The following PLEKHA5 variants were observed in gnomAD, a reference collection of about 807,000 sequenced individuals.
PLEKHA5 encodes the protein pleckstrin homology domain-containing family A member 5.
PLEKHA5 carries 55 observed loss-of-function variants against 181.9 expected under a neutral mutation model. The ratio of observed to expected loss-of-function variants is 0.30; its 90% CI spans 0.24 to 0.38. The LOEUF (loss-of-function observed/expected upper bound fraction) is 0.38. Among genes scored for constraint, PLEKHA5 ranks in the 10% least tolerant of loss-of-function variants. The probability of loss-of-function intolerance (pLI) is 1.00; values close to 1 mark genes in which losing one functional copy is unlikely to be tolerated. For synonymous variants in PLEKHA5, 535 were observed against 529.4 expected, an observed-to-expected ratio of 1.01 and a Z score of -0.15; for missense variants, 1,432 against 1,549.5, an observed-to-expected ratio of 0.92 and a Z score of 1.27.
intron 18 of PLEKHA5, 26 bp downstream of exon 18, chr12:19,320,650 T>C (rs776666709): frequency 3.7e-6 from 4 of 1,081,750 alleles, no homozygotes; most frequent in African/African-American, 3.2e-5. Flanking sequence ...ATATATGTGG[T>C]CAGTACTCTG....
At position 19,376,298 on chromosome 12, in the gene PLEKHA5, G is replaced by A. The variant is rs541818547; in HGVS notation, c.*779G>A. 1.3e-5 allele frequency: 2 copies of A among 152,628 alleles called. No homozygotes were observed. The highest frequency in any genetic ancestry group is 1.9e-4 in the East Asian group (1 of 5,182). The allele number at this position is 152,628 out of a possible 1,614,324, so 9.5% of individuals were successfully genotyped here. Reference sequence around the variant, plus strand: ...GTTCATTGTGTATATATTATACAATGAGCACATGTAATGTATTAAAGGCTA... The same window carrying A: ...GTTCATTGTGTATATATTATACAATAAGCACATGTAATGTATTAAAGGCTA... On this transcript the variant is annotated 3_prime_UTR_variant, in exon 32 of 32. Transcript: ENST00000429027.
chr12:19,131,678 T>G (rs1471251601), intron 2 of PLEKHA5, among the ~76,000 whole-genome samples: 1 of 152,212 alleles, frequency 6.6e-6, no homozygotes, highest in Admixed American at 6.5e-5. Flanking sequence ...TTTCACTTTT[T>G]TTTTTTTCTG....
At chr12:19,282,292 G>A (rs1011714498) in intron 11 of PLEKHA5, among the ~76,000 whole-genome samples, 3 of 152,126 alleles carry the variant, frequency 2.0e-5, no homozygotes, top group Admixed American at 6.5e-5. Context: ...CTATGAAGTG[G>A]AATATTAATT....
chr12:19,211,432 C>T (rs1010610293), intron 3 of PLEKHA5, among the ~76,000 whole-genome samples: 1 of 151,956 alleles, frequency 6.6e-6, no homozygotes, highest in African/African-American at 2.4e-5. Flanking sequence ...CAGAGAGCAG[C>T]GTGACTCCTG....
At chr12:19,307,087 C>G (rs2084140772) in intron 15 of PLEKHA5, 2 of 1,193,172 alleles carry the variant, frequency 1.7e-6, no homozygotes, top group Non-Finnish European at 2.5e-6. Context: ...CAGATAGTTG[C>G]TGAAGCTTAT....
At chr12:19,251,595 C>T (rs574888669) in intron 3 of PLEKHA5, among the ~76,000 whole-genome samples, 1 of 151,798 alleles carries the variant, frequency 6.6e-6, no homozygotes, top group South Asian at 2.1e-4. Context: ...TCTAGAGTCT[C>T]TCACAGATAA....
intron 3 of PLEKHA5, among the ~76,000 whole-genome samples, chr12:19,203,675 T>G (rs1246083858): frequency 2.6e-5 from 4 of 152,140 alleles, no homozygotes; most frequent in Non-Finnish European, 5.9e-5. Flanking sequence ...TGTCTTTTGC[T>G]GTAATACTTA....
At chr12:19,309,879 A>G (rs1270841854) in intron 15 of PLEKHA5, among the ~76,000 whole-genome samples, 2 of 152,176 alleles carry the variant, frequency 1.3e-5, no homozygotes, top group Non-Finnish European at 2.9e-5. Context: ...TGTTACAGAC[A>G]TTTCAAGCTC....
intron 15 of PLEKHA5, among the ~76,000 whole-genome samples, chr12:19,305,876 AAAAAAAAAC>A (rs1211576567): frequency 9.4e-5 from 14 of 149,320 alleles, no homozygotes; most frequent in Non-Finnish European, 1.9e-4. Flanking sequence ...AAAAAAAAAA[AAAAAAAAAC>A]AACTATGAAG....
At chr12:19,374,496 T>C (rs1388973508) in intron 31 of PLEKHA5, among the ~76,000 whole-genome samples, 1 of 150,122 alleles carries the variant, frequency 6.7e-6, no homozygotes, top group Non-Finnish European at 1.5e-5. Context: ...CCGTCTCTAC[T>C]GAAAATACAA....
chr12:19,311,840 A>G (rs1465851390), intron 15 of PLEKHA5, among the ~76,000 whole-genome samples: 1 of 152,152 alleles, frequency 6.6e-6, no homozygotes, highest in Non-Finnish European at 1.5e-5. Context: ...AATATCTAGT[A>G]TCCAGAATGG....
chr12:19,148,780 C>T (rs996260157), intron 3 of PLEKHA5, among the ~76,000 whole-genome samples: 21 of 152,114 alleles, frequency 1.4e-4, no homozygotes, highest in African/African-American at 4.1e-4. Flanking sequence ...AATTGTGTAT[C>T]AGAAAAGAAG....
intron 22 of PLEKHA5, among the ~76,000 whole-genome samples, chr12:19,345,296 A>G (rs766383008): frequency 1.3e-5 from 2 of 151,774 alleles, no homozygotes; most frequent in Non-Finnish European, 2.9e-5. Context: ...GCTGCTCGGG[A>G]GGCTGAGGCA....
chr12:19,236,194 G>T lies in PLEKHA5; in HGVS notation c.228-17746G>T, dbSNP rs76845976. On this transcript the variant is annotated intron_variant, in intron 3 of 31. Transcript: ENST00000429027. The stretch of plus-strand genomic sequence containing the variant: ...TCTGGTTTGAAATGATGTTCACCAC[G>T]ATGTTAACAACTCTTACCTTTTCTG... 1.1e-3 allele frequency among the ~76,000 whole-genome samples: 166 copies of T among 152,244 alleles called. 3 individuals are homozygous for T. In the East Asian group the frequency reaches 0.026, roughly 24 times the overall value.
intron 25 of PLEKHA5, among the ~76,000 whole-genome samples, chr12:19,348,738 G>T (rs907987890): frequency 1.3e-5 from 2 of 152,092 alleles, no homozygotes; most frequent in Non-Finnish European, 2.9e-5. Context: ...TAGGTATGAG[G>T]CAGCACCCTT....
At chr12:19,146,728 A>G (rs1282314490) in intron 3 of PLEKHA5, among the ~76,000 whole-genome samples, 1 of 152,214 alleles carries the variant, frequency 6.6e-6, no homozygotes, top group Non-Finnish European at 1.5e-5. Flanking sequence ...TAGACCAGTT[A>G]GAGTTGCCAA....
chr12:19,247,285 G>C lies in PLEKHA5; in HGVS notation c.228-6655G>C, dbSNP rs184202524. 1.8e-4 allele frequency among the ~76,000 whole-genome samples: 27 copies of C among 152,300 alleles called. 1 individual carries two copies. The East Asian group carries it at 5.0e-3, about 28-fold the overall frequency. The stretch of plus-strand genomic sequence containing the variant: ...TGGTAAATTGCTCTTCCTTCCATCA[G>C]TAGTTTATAGGAGCTGTGTGCTTTA... On this transcript the variant is annotated intron_variant, in intron 3 of 31. Coordinates refer to ENST00000429027, the MANE Select transcript of PLEKHA5 (RefSeq NM_001256470.2).
At chr12:19,290,085 G>A (rs1753300322) in intron 13 of PLEKHA5, among the ~76,000 whole-genome samples, 1 of 152,134 alleles carries the variant, frequency 6.6e-6, no homozygotes, top group South Asian at 2.1e-4. Flanking sequence ...TGGGATTACA[G>A]TTGCGTGCCA....
intron 16 of PLEKHA5, among the ~76,000 whole-genome samples, chr12:19,317,289 A>T (rs2089199194): frequency 6.6e-6 from 1 of 151,980 alleles, no homozygotes; most frequent in African/African-American, 2.4e-5. Context: ...CCGAAGCTGC[A>T]ATGAACTGTG....
Sources: gnomAD v4.1 joint callset for allele counts (sites outside exome capture counted in the v4.1 genomes callset) on GRCh38, gnomAD v4.1.1 for gene constraint, MANE v1.5 for transcripts, NCBI Gene and HGNC (gene_info 2026-07-23, HGNC 2026-07-21) for gene names.